CYP4V2: variants seen among roughly 807,000 people sequenced by gnomAD.
CYP4V2 encodes the protein cytochrome P450 4V2.
A neutral mutation model predicts 60.8 loss-of-function variants in CYP4V2; 55 were observed. The observed-to-expected ratio is 0.90, with a 90% CI of 0.73 to 1.13. CYP4V2 has a LOEUF of 1.13. Ranked by LOEUF, CYP4V2 falls within the 50% of genes most tolerant of loss-of-function variation. The pLI, the probability that CYP4V2 is intolerant of heterozygous loss-of-function variation, is 0.00. For missense variants in CYP4V2, 675 were observed against 662.9 expected (o/e 1.02, Z -0.20); for synonymous variants, 239 against 236.8 (o/e 1.01, Z -0.08).
rs1167361876 is a variant in CYP4V2 at position 186,195,468 on chromosome 4, C to T, written c.328-535C>T. On this transcript the variant is annotated intron_variant, in intron 2 of 10. Coordinates refer to ENST00000378802, the MANE Select transcript of CYP4V2 (RefSeq NM_207352.4). This position sits in a 1 kb window ranked among gnomAD's most constrained non-coding sequence, Gnocchi z 4.1. The stretch of plus-strand genomic sequence containing the variant: ...GTGCTCAGCCCTAGACCCCATCCCT[C>T]CTCCCACTTCACGTGGACTCTGGGT... Among the ~76,000 whole-genome samples the T allele has an allele frequency of 6.6e-6, 1 of 152,202 alleles. No individual in the cohort carries two copies. Among genetic ancestry groups the T allele is most frequent in the Non-Finnish European group, 1.5e-5 (1 of 68,044 alleles).
intron 8 of CYP4V2, 91 bp downstream of exon 8, chr4:186,205,393 G>C: frequency 7.7e-7 from 1 of 1,293,942 alleles, no homozygotes; most frequent in Non-Finnish European, 1.1e-6. Flanking sequence ...TGAGCAGGAA[G>C]GCTCCCCCAC....
At chr4:186,207,422 A>G (rs1487506280) in intron 8 of CYP4V2, among the ~76,000 whole-genome samples, 5 of 142,910 alleles carry the variant, frequency 3.5e-5, no homozygotes, top group African/African-American at 7.9e-5. Context: ...CAAAAAAAAA[A>G]AAAGAAAGAA....
In CYP4V2 at chr4:186,210,559, T is replaced by G; in HGVS notation, c.1496T>G (p.Leu499Arg). ...WIESNQKREE[L>R]GLEGQLILRP... The stretch of plus-strand genomic sequence containing the variant: ...GAATCCAACCAGAAAAGAGAAGAGC[T>G]TGGTCTAGAAGGACAGTTGATTCTT... The change falls in exon 11 of 11, where the codon CTT (leucine) becomes CGT (arginine). Residue 499 changes from leucine (L) to arginine (R), a missense_variant. Physicochemically the swap from Leu to Arg is moderately radical, Grantham distance 102. Transcript: ENST00000378802. 1 of 1,614,192 alleles carries G rather than the reference T, an allele frequency of 6.2e-7. No individual in the cohort carries two copies. Among genetic ancestry groups the G allele is most frequent in the Non-Finnish European group, 8.5e-7 (1 of 1,180,034 alleles).
Position 186,191,866 on chromosome 4 carries a change from C to A in CYP4V2, c.43C>A (p.Leu15Met). Residue 15 changes from leucine to methionine, a missense_variant, in exon 1 of 11, where the codon CTG (leucine) becomes ATG (methionine). Leu to Met is a conservative substitution (Grantham distance 15). Coordinates refer to ENST00000378802, the MANE Select transcript of CYP4V2 (RefSeq NM_207352.4). Reference protein sequence around the residue: ...WLGLVWQKLLLWGAASALSLA... With the variant: ...WLGLVWQKLLMWGAASALSLA... ...GGGGCTCGTGTGGCAGAAGCTGCTG[C>A]TGTGGGGCGCGGCGAGTGCCCTTTC... 6.3e-7 allele frequency: 1 copy of A among 1,586,178 alleles called. No individual in the cohort carries two copies.
rs758395671 is a variant in CYP4V2 at position 186,209,237 on chromosome 4, A to G, written c.1370A>G (p.Tyr457Cys). ...ENAQGRHPYA[Y>C]VPFSAGPRNC... ...GCACAAGGGCGCCATCCATATGCCTACGTGCCCTTCTCTGCTGGCCCCAGG... is the reference window on the plus strand; with the variant it reads ...GCACAAGGGCGCCATCCATATGCCTGCGTGCCCTTCTCTGCTGGCCCCAGG... Residue 457 changes from tyrosine (Y) to cysteine (C), a missense_variant, in exon 10 of 11, where the codon TAC becomes TGC. Coordinates refer to ENST00000378802, the MANE Select transcript of CYP4V2 (RefSeq NM_207352.4). The G allele has an allele frequency of 4.3e-6, 7 of 1,613,908 alleles. No individual in the cohort carries two copies. Among genetic ancestry groups the G allele is most frequent in the Non-Finnish European group, 4.2e-6 (5 of 1,179,980 alleles).
Position 186,192,063 on chromosome 4 carries a change from C to CGTTT in CYP4V2, c.214+27_214+28insTTTG, listed in dbSNP as rs1227925376. 14 of 1,550,412 alleles carry CGTTT rather than the reference C, an allele frequency of 9.0e-6. 1 individual carries two copies. In the African/African-American group the frequency reaches 1.9e-4, roughly 21 times the overall value. ...GTAAGGGCCGGCGCTCCTCCTGGAG[C>CGTTT]GCAACGGGGTCCGCAGCCCCGTTCC... On this transcript the variant is annotated intron_variant, in intron 1 of 10. Coordinates refer to ENST00000378802, the MANE Select transcript of CYP4V2 (RefSeq NM_207352.4).
rs1736114194 is a variant in CYP4V2 at position 186,195,096 on chromosome 4, C to T, written c.327+484C>T. 6.6e-6 allele frequency among the ~76,000 whole-genome samples: 1 copy of T among 152,136 alleles called. No individual in the cohort carries two copies. The highest frequency in any genetic ancestry group is 1.5e-5 in the Non-Finnish European group (1 of 68,034). ...CTGTTGAAATTAGTCCTCCAAAAAG[C>T]TGTAGTCTTTTTACTTGTTGAAAGG... On this transcript the variant is annotated intron_variant, in intron 2 of 10. Coordinates refer to ENST00000378802, the MANE Select transcript of CYP4V2 (RefSeq NM_207352.4). The surrounding 1 kb of genome is among the most constrained non-coding windows in gnomAD (Gnocchi z 4.1).
chr4:186,202,829 C>T (rs537856879), intron 7 of CYP4V2: 26 of 151,662 alleles, frequency 1.7e-4, no homozygotes, highest in African/African-American at 6.3e-4. Flanking sequence ...TACACACACA[C>T]CCAGATACTC....
intron 7 of CYP4V2, 133 bp from the exon 8 acceptor site, chr4:186,205,067 C>T: frequency 1.2e-6 from 1 of 869,372 alleles, no homozygotes; most frequent in Non-Finnish European, 1.9e-6. Flanking sequence ...AGGTGCTGCA[C>T]AGAATTCATT....
Position 186,210,644 on chromosome 4 carries a change from A to C in CYP4V2, c.*3A>C, listed in dbSNP as rs374456144. 1.2e-6 allele frequency: 2 copies of C among 1,613,866 alleles called. No individual in the cohort carries two copies. Among genetic ancestry groups the C allele is most frequent in the African/African-American group, 2.7e-5 (2 of 74,880 alleles). ...GGAGAAATGCAGATGAACGCTAACT[A>C]TATTATTGGGTTGTGCCTTTATCAT... On this transcript the variant is annotated 3_prime_UTR_variant, in exon 11 of 11. Transcript: ENST00000378802.
At chr4:186,210,389 C>T in intron 10 of CYP4V2, 80 bp from the exon 11 acceptor site, 1 of 1,588,464 alleles carries the variant, frequency 6.3e-7, no homozygotes, top group South Asian at 1.1e-5. Context: ...AAGTGGCTCG[C>T]TTCCTATGAC....
chr4:186,194,427 A>C (rs972611604), intron 1 of CYP4V2, 73 bp from the exon 2 acceptor site: 2 of 1,334,326 alleles, frequency 1.5e-6, no homozygotes, highest in Non-Finnish European at 1.1e-6. Flanking sequence ...AAAATGAGAA[A>C]ACAAACCTTT....
rs182972296 is a variant in CYP4V2, at chr4:186,192,695, A to G, written c.214+658A>G. On this transcript the variant is annotated intron_variant, in intron 1 of 10. Coordinates refer to ENST00000378802, the MANE Select transcript of CYP4V2 (RefSeq NM_207352.4). The stretch of plus-strand genomic sequence containing the variant: ...AGATGGACATTTTATTGATGGAAAA[A>G]AATCACGTTAAGTTAGAAAGCTCTC... Among the ~76,000 whole-genome samples, 709 of 152,296 alleles carry G rather than the reference A, an allele frequency of 4.7e-3. 6 individuals carry two copies. Among genetic ancestry groups the G allele is most frequent in the African/African-American group, 0.016 (650 of 41,560 alleles).
chr4:186,199,614 C>CTGGAAAATGTT (rs1736252158), intron 6 of CYP4V2, among the ~76,000 whole-genome samples: 1 of 152,154 alleles, frequency 6.6e-6, no homozygotes, highest in Non-Finnish European at 1.5e-5. Flanking sequence ...TAGGAGTTTT[C>CTGGAAAATGTT]TGGAAAATGT....
chr4:186,200,019 G>A (rs986687092), intron 6 of CYP4V2, among the ~76,000 whole-genome samples: 10 of 152,152 alleles, frequency 6.6e-5, no homozygotes, highest in African/African-American at 2.2e-4. Flanking sequence ...ACAGTGGAGT[G>A]TGATCACCTG....
chr4:186,194,466 T>A, intron 1 of CYP4V2, 34 bp from the exon 2 acceptor site: 1 of 1,566,302 alleles, frequency 6.4e-7, no homozygotes, highest in South Asian at 1.1e-5. Context: ...CTTTCTCATC[T>A]TGATTGAATT....
At chr4:186,207,771 G>A (rs1736569116) in intron 8 of CYP4V2, among the ~76,000 whole-genome samples, 2 of 151,994 alleles carry the variant, frequency 1.3e-5, no homozygotes, top group Admixed American at 6.6e-5. Context: ...AAGGAAACCT[G>A]GTAGGATTAA....
rs1269525621 is a variant in CYP4V2 at position 186,197,098 on chromosome 4, A to T, written c.572A>T (p.Tyr191Phe). 6.2e-7 allele frequency: 1 copy of T among 1,613,954 alleles called. No homozygotes were observed. Residue 191 changes from tyrosine (Y) to phenylalanine (F), a missense_variant, in exon 4 of 11, where the codon TAC (tyrosine) becomes TTC (phenylalanine). Transcript: ENST00000378802. Reference protein sequence around the residue: ...INQEAFNCFFYITLCALDIIC... With the variant: ...INQEAFNCFFFITLCALDIIC... Reference sequence around the variant, plus strand: ...CAAGAAGCATTTAACTGCTTTTTTTACATCACTCTTTGTGCCTTAGATATC... The same window carrying T: ...CAAGAAGCATTTAACTGCTTTTTTTTCATCACTCTTTGTGCCTTAGATATC...
Position 186,210,720 on chromosome 4 carries a change from A to T in CYP4V2, c.*79A>T. The T allele has an allele frequency of 6.4e-7, 1 of 1,563,026 alleles. No individual in the cohort carries two copies. Among genetic ancestry groups the T allele is most frequent in the Non-Finnish European group, 8.8e-7 (1 of 1,142,590 alleles). ...CCTTGTCATTTACAATTTACAGATCATGAGTTCAATATGCTTGAATCCCCT... is the reference window on the plus strand; with the variant it reads ...CCTTGTCATTTACAATTTACAGATCTTGAGTTCAATATGCTTGAATCCCCT... On this transcript the variant is annotated 3_prime_UTR_variant, in exon 11 of 11. Transcript: ENST00000378802.
Sources: gnomAD v4.1 joint callset for allele counts (sites outside exome capture counted in the v4.1 genomes callset) on GRCh38, gnomAD v4.1.1 for gene constraint, Gnocchi (gnomAD v3.1) non-coding constraint, MANE v1.5 for transcripts, NCBI Gene and HGNC (gene_info 2026-07-23, HGNC 2026-07-21) for gene names.